DOCK10: variants seen among roughly 807,000 people sequenced by gnomAD.
DOCK10 encodes dedicator of cytokinesis 10.
In DOCK10, 145 loss-of-function variants were observed where a neutral mutation model predicts 280.1. That is an observed-to-expected ratio of 0.52 (90% CI 0.45 to 0.59). The LOEUF (loss-of-function observed/expected upper bound fraction) is 0.59. Among genes scored for constraint, DOCK10 ranks in the 20% least tolerant of loss-of-function variants. The pLI is 0.00. For missense variants in DOCK10, 2,368 were observed against 2,651.7 expected (o/e 0.89, Z 2.35); for synonymous variants, 915 against 942.2 (o/e 0.97, Z 0.53).
At chr2:224,945,408 T>C (rs1260970061) in intron 1 of DOCK10, among the ~76,000 whole-genome samples, 1 of 152,088 alleles carries the variant, frequency 6.6e-6, no homozygotes, top group African/African-American at 2.4e-5. Flanking sequence ...ATTCCAGTTA[T>C]GAAATACCCA....
chr2:224,836,284 A>G (rs1350650908), intron 25 of DOCK10, among the ~76,000 whole-genome samples: 1 of 152,196 alleles, frequency 6.6e-6, no homozygotes, highest in Non-Finnish European at 1.5e-5. Flanking sequence ...AAACTAAGCT[A>G]TGACCCTATC....
At chr2:224,893,724 T>A (rs1263283187) in intron 4 of DOCK10, 1 of 342,978 alleles carries the variant, frequency 2.9e-6, no homozygotes, top group African/African-American at 2.4e-5. Flanking sequence ...AAATTTCACC[T>A]TTTTTTTTGC....
chr2:224,793,792 C>G (rs1470402673), intron 45 of DOCK10, among the ~76,000 whole-genome samples: 5 of 152,062 alleles, frequency 3.3e-5, no homozygotes, highest in African/African-American at 7.2e-5. Flanking sequence ...AAAACTATAA[C>G]TCTAGTATTT....
rs1321991363 is a variant in DOCK10, at chr2:224,786,705, T to C, written c.5655+317A>G. On this transcript the variant is annotated intron_variant, in intron 50 of 55. Coordinates refer to ENST00000258390, the MANE Select transcript of DOCK10 (RefSeq NM_014689.3). The surrounding 1 kb of genome is among the most constrained non-coding windows in gnomAD (Gnocchi z 4.7). ...TTCAATTTAATTTCACTTTAATATATGGCGTAAACTTATAATTAGATATTT... is the reference window on the plus strand; with the variant it reads ...TTCAATTTAATTTCACTTTAATATACGGCGTAAACTTATAATTAGATATTT... Among the ~76,000 whole-genome samples the C allele has an allele frequency of 1.3e-5, 2 of 152,192 alleles. No homozygotes were observed. Among genetic ancestry groups the C allele is most frequent in the Non-Finnish European group, 2.9e-5 (2 of 68,028 alleles).
At position 224,829,116 on chromosome 2, in the gene DOCK10, G is replaced by A. The variant is rs554900852; in HGVS notation, c.3036+1425C>T. On this transcript the variant is annotated intron_variant, in intron 27 of 55. Transcript: ENST00000258390. ...TACTCAGGCTACTGTACACTGAGAA[G>A]AAGGGCATATAGTTCAAGGACTGTT... Among the ~76,000 whole-genome samples the A allele has an allele frequency of 3.6e-4, 55 of 152,344 alleles. 1 individual carries two copies. The Middle Eastern group carries it at 0.01, about 28-fold the overall frequency.
At chr2:224,916,059 T>A (rs572999431) in intron 3 of DOCK10, among the ~76,000 whole-genome samples, 64 of 152,346 alleles carry the variant, frequency 4.2e-4, no homozygotes, top group African/African-American at 1.4e-3. Context: ...GCTTGTGCCA[T>A]CCCCTTGGTG....
At chr2:224,879,675 T>C (rs1698862388) in intron 7 of DOCK10, among the ~76,000 whole-genome samples, 1 of 152,040 alleles carries the variant, frequency 6.6e-6, no homozygotes, top group Non-Finnish European at 1.5e-5. Flanking sequence ...GGAAAGTTAC[T>C]TGAACCCAGG....
intron 4 of DOCK10, among the ~76,000 whole-genome samples, chr2:224,888,440 G>C (rs1345047238): frequency 6.6e-6 from 1 of 151,784 alleles, no homozygotes; most frequent in Non-Finnish European, 1.5e-5. Context: ...ATGTATATAT[G>C]TGTGTGAATA....
At chr2:224,822,681 C>A (rs1303251634) in intron 28 of DOCK10, among the ~76,000 whole-genome samples, 2 of 151,962 alleles carry the variant, frequency 1.3e-5, no homozygotes, top group African/African-American at 2.4e-5. Flanking sequence ...CCAGTGTGCT[C>A]CAGCTTGGGT....
chr2:224,995,335 T>G (rs1001759952), intron 1 of DOCK10, among the ~76,000 whole-genome samples: 1 of 152,236 alleles, frequency 6.6e-6, no homozygotes, highest in African/African-American at 2.4e-5. Context: ...GGAGTCCGCC[T>G]TGAAGACAGT....
chr2:224,824,814 C>T (rs1347098748), intron 27 of DOCK10, among the ~76,000 whole-genome samples: 3 of 151,968 alleles, frequency 2.0e-5, no homozygotes, highest in Admixed American at 1.3e-4. Flanking sequence ...TAGATAGAAT[C>T]ATGGAATTTA....
rs755027267 is a variant in DOCK10 at position 224,794,840 on chromosome 2, A to G, written c.5154+39T>C. Reference sequence around the variant, plus strand: ...AAATCCAATTTTCCTGATAAAGAGGACAATACTGATGGTAAATGACCAAGC... The same window carrying G: ...AAATCCAATTTTCCTGATAAAGAGGGCAATACTGATGGTAAATGACCAAGC... On this transcript the variant is annotated intron_variant, in intron 45 of 55. Transcript: ENST00000258390. 1.2e-5 allele frequency: 19 copies of G among 1,599,342 alleles called. No homozygotes were observed. The African/African-American group carries it at 2.4e-4, about 20-fold the overall frequency.
At chr2:224,974,807 TATTATATATATA>T (rs1454429940) in intron 1 of DOCK10, among the ~76,000 whole-genome samples, 9 of 132,896 alleles carry the variant, frequency 6.8e-5, no homozygotes, top group Non-Finnish European at 1.3e-4. Context: ...ATATCATATA[TATTATATATATA>T]ATATATATAT....
chr2:224,968,303 T>G (rs1423994945), intron 1 of DOCK10, among the ~76,000 whole-genome samples: 1 of 152,130 alleles, frequency 6.6e-6, no homozygotes, highest in Non-Finnish European at 1.5e-5. Flanking sequence ...CTAAGAATAG[T>G]TTAAACTTTT....
intron 15 of DOCK10, among the ~76,000 whole-genome samples, chr2:224,856,581 A>C (rs1217939600): frequency 6.6e-6 from 1 of 152,218 alleles, no homozygotes; most frequent in Middle Eastern, 3.2e-3. Context: ...CAGGAGTACA[A>C]TTACTATAGC....
At chr2:224,991,738 A>T (rs1279949701) in intron 1 of DOCK10, among the ~76,000 whole-genome samples, 2 of 152,238 alleles carry the variant, frequency 1.3e-5, no homozygotes, top group African/African-American at 4.8e-5. Flanking sequence ...AGGAAGGGAC[A>T]GATGACAGAC....
At chr2:224,795,917 C>T (rs560867186) in intron 44 of DOCK10, among the ~76,000 whole-genome samples, 1 of 152,292 alleles carries the variant, frequency 6.6e-6, no homozygotes, top group African/African-American at 2.4e-5. Flanking sequence ...TTCAACCACA[C>T]ATATTGGGAA....
chr2:225,008,002 C>T (rs540879425), intron 1 of DOCK10, among the ~76,000 whole-genome samples: 1 of 151,908 alleles, frequency 6.6e-6, no homozygotes, highest in African/African-American at 2.4e-5. Context: ...AAGTGACTTT[C>T]CACGCATAGC....
At chr2:224,831,041 C>T (rs988391636) in intron 26 of DOCK10, among the ~76,000 whole-genome samples, 64 of 152,074 alleles carry the variant, frequency 4.2e-4, no homozygotes, top group African/African-American at 1.5e-3. Flanking sequence ...TCAGGTGATT[C>T]TCCCACCTCA....
Sources: gnomAD v4.1 joint callset for allele counts (sites outside exome capture counted in the v4.1 genomes callset) on GRCh38, gnomAD v4.1.1 for gene constraint, Gnocchi (gnomAD v3.1) non-coding constraint, MANE v1.5 for transcripts, NCBI Gene and HGNC (gene_info 2026-07-23, HGNC 2026-07-21) for gene names.